SLC14A2: variants seen among roughly 807,000 people sequenced by gnomAD.
SLC14A2 encodes the protein urea transporter 2.
SLC14A2 carries 91 observed loss-of-function variants against 104.6 expected under a neutral mutation model. That is an observed-to-expected ratio of 0.87 (90% CI 0.73 to 1.04). SLC14A2 has a LOEUF of 1.04. SLC14A2 is among the 50% of genes least tolerant of loss of function. The pLI is 0.00. For missense variants in SLC14A2, 1,189 were observed against 1,156.0 expected, an observed-to-expected ratio of 1.03 and a Z score of -0.41; for synonymous variants, 476 against 466.4, an observed-to-expected ratio of 1.02 and a Z score of -0.27.
upstream of SLC14A2, among the ~76,000 whole-genome samples, chr18:45,211,618 C>T (rs1384159917): frequency 5.3e-5 from 8 of 152,100 alleles, no homozygotes; most frequent in African/African-American, 1.9e-4. Context: ...TGCTCTCTCC[C>T]TCCTCTGCTT....
chr18:45,625,751 G>A lies in SLC14A2; in HGVS notation c.219G>A (p.Arg73=). The part of the protein sequence containing the change: ...KIEKLNERSK[R]KDDGVAHRDS... ...AAAAGCTCAATGAAAGGAGTAAAAG[G>A]AAAGACGACGGGGTGGCCCATCGGG... is the stretch of plus-strand genomic sequence containing the variant. The change falls in exon 3 of 20, where the codon AGG becomes AGA. Residue 73 remains arginine, a synonymous_variant. Coordinates refer to ENST00000255226, the MANE Select transcript of SLC14A2 (RefSeq NM_007163.4). The A allele has an allele frequency of 6.4e-7, 1 of 1,565,694 alleles. No individual in the cohort carries two copies. Among genetic ancestry groups the A allele is most frequent in the Non-Finnish European group, 8.6e-7 (1 of 1,161,070 alleles).
chr18:45,448,824 A>G (rs774501557), intron 1 of SLC14A2, among the ~76,000 whole-genome samples: 24 of 152,376 alleles, frequency 1.6e-4, no homozygotes, highest in Non-Finnish European at 2.5e-4. Flanking sequence ...GCAGATTTTT[A>G]GATCTTCAAA....
chr18:45,451,905 C>T (rs1016356731), intron 1 of SLC14A2, among the ~76,000 whole-genome samples: 1 of 152,124 alleles, frequency 6.6e-6, no homozygotes, highest in Admixed American at 6.5e-5. Context: ...TCTGTTTGCC[C>T]TTTCTGCAAG....
chr18:45,177,518 G>A, the SLC14A2 span, among the ~76,000 whole-genome samples: 3 of 152,032 alleles, frequency 2.0e-5, no homozygotes, highest in Non-Finnish European at 4.4e-5. Flanking sequence ...TTTTAGTCCT[G>A]CCTCAGTGTG....
At chr18:45,586,244 T>C (rs906511295) in intron 2 of SLC14A2, among the ~76,000 whole-genome samples, 5 of 151,926 alleles carry the variant, frequency 3.3e-5, no homozygotes, top group African/African-American at 4.8e-5. Flanking sequence ...GAGACCTCAG[T>C]GAAGTGAGGG....
At chr18:45,455,338 C>T (rs1005922483) in intron 1 of SLC14A2, among the ~76,000 whole-genome samples, 1 of 152,244 alleles carries the variant, frequency 6.6e-6, no homozygotes, top group Middle Eastern at 3.4e-3. Context: ...AGTTCATGTC[C>T]TTCACAGGGA....
intron 2 of SLC14A2, among the ~76,000 whole-genome samples, chr18:45,589,023 A>C (rs976946898): frequency 6.6e-6 from 1 of 151,942 alleles, no homozygotes; most frequent in Non-Finnish European, 1.5e-5. Context: ...AAGAGAGCAA[A>C]GGAGAAAAAA....
intron 1 of SLC14A2, among the ~76,000 whole-genome samples, chr18:45,236,105 A>G (rs1454703642): frequency 3.1e-5 from 2 of 63,608 alleles, no homozygotes; most frequent in African/African-American, 1.7e-4. Context: ...GTGTGTATAT[A>G]TGTGTATATA....
chr18:45,533,498 A>G (rs1159239331), intron 2 of SLC14A2, among the ~76,000 whole-genome samples: 2 of 152,192 alleles, frequency 1.3e-5, no homozygotes, highest in African/African-American at 4.8e-5. Context: ...AGGTGTTTAT[A>G]GTATTCTCTG....
At chr18:45,575,834 T>G (rs1276482832) in intron 2 of SLC14A2, among the ~76,000 whole-genome samples, 1 of 151,756 alleles carries the variant, frequency 6.6e-6, no homozygotes. Context: ...TTGGCCATGC[T>G]GGGCTCTGAA....
chr18:45,586,307 C>T (rs189121126), intron 2 of SLC14A2, among the ~76,000 whole-genome samples: 110 of 152,266 alleles, frequency 7.2e-4, no homozygotes, highest in African/African-American at 2.4e-3. Context: ...GGCAGCAGTG[C>T]GCCTGCCTTG....
chr18:45,431,950 G>T (rs974916003), intron 1 of SLC14A2, among the ~76,000 whole-genome samples: 3 of 152,130 alleles, frequency 2.0e-5, no homozygotes, highest in African/African-American at 7.2e-5. Flanking sequence ...TCTTTTGTTA[G>T]GTGATTTGAC....
At chr18:45,434,627 G>T (rs563040193) in intron 1 of SLC14A2, among the ~76,000 whole-genome samples, 4 of 152,270 alleles carry the variant, frequency 2.6e-5, no homozygotes, top group Non-Finnish European at 4.4e-5. Flanking sequence ...TTGTTAGCAG[G>T]TTTACTAACT....
At chr18:45,490,172 T>C (rs1299308941) in intron 2 of SLC14A2, among the ~76,000 whole-genome samples, 3 of 152,050 alleles carry the variant, frequency 2.0e-5, no homozygotes, top group Non-Finnish European at 2.9e-5. Context: ...CCAAAGAAAT[T>C]TGAAAAAGAC....
At chr18:45,369,344 A>G (rs1037994590) in intron 1 of SLC14A2, among the ~76,000 whole-genome samples, 11 of 152,138 alleles carry the variant, frequency 7.2e-5, no homozygotes, top group African/African-American at 2.4e-4. Flanking sequence ...TTTTCTTAGG[A>G]AAGTTATTTT....
At chr18:45,491,025 A>C (rs1032602461) in intron 2 of SLC14A2, among the ~76,000 whole-genome samples, 15 of 152,206 alleles carry the variant, frequency 9.9e-5, no homozygotes, top group Non-Finnish European at 1.0e-4. Flanking sequence ...AATTGTTTTT[A>C]TCTCTTTAGA....
intron 1 of SLC14A2, among the ~76,000 whole-genome samples, chr18:45,461,145 T>C (rs1188026866): frequency 6.6e-6 from 1 of 152,198 alleles, no homozygotes; most frequent in Non-Finnish European, 1.5e-5. Context: ...TACTCCACCT[T>C]TCCCATGTCC....
intron 1 of SLC14A2, among the ~76,000 whole-genome samples, chr18:45,245,639 C>A (rs946211504): frequency 1.3e-5 from 2 of 152,156 alleles, no homozygotes; most frequent in African/African-American, 4.8e-5. Flanking sequence ...ACCAAGTGGC[C>A]AAGTAGAGTG....
the SLC14A2 span, among the ~76,000 whole-genome samples, chr18:45,170,520 G>A: frequency 6.6e-6 from 1 of 152,186 alleles, no homozygotes; most frequent in Non-Finnish European, 1.5e-5. Flanking sequence ...GACCTTACAA[G>A]ACATTTCAAA....
Sources: allele counts gnomAD v4.1 joint callset (sites outside exome capture counted in the v4.1 genomes callset), GRCh38; gene constraint gnomAD v4.1.1; transcripts MANE v1.5; gene names NCBI Gene and HGNC (gene_info 2026-07-23, HGNC 2026-07-21).